Variants in IL1RAPL2 observed in about 807,000 individuals in gnomAD.
The protein encoded by IL1RAPL2 is interleukin 1 receptor accessory protein like 2, also known as X-linked interleukin-1 receptor accessory protein-like 2.
In IL1RAPL2, 3 loss-of-function variants were observed where a neutral mutation model predicts 44.1. The observed-to-expected ratio is 0.07, with a 90% CI of 0.03 to 0.18. The LOEUF (loss-of-function observed/expected upper bound fraction) is 0.18, where lower values mean the gene tolerates loss of function less well. Among genes scored for constraint, IL1RAPL2 ranks in the 10% least tolerant of loss-of-function variants. The probability of loss-of-function intolerance (pLI) is 1.00; values close to 1 mark genes in which losing one functional copy is unlikely to be tolerated. For synonymous variants in IL1RAPL2, 181 were observed against 178.8 expected, an observed-to-expected ratio of 1.01 and a Z score of -0.10; for missense variants, 391 against 496.4, an observed-to-expected ratio of 0.79 and a Z score of 2.02.
At chrX:105,598,598 A>G (rs2037228930) in intron 6 of IL1RAPL2, among the ~76,000 whole-genome samples, 1 of 111,618 alleles carries the variant, frequency 9.0e-6, no homozygotes. Context: ...ACAAAACTAT[A>G]AAACACTTAT....
intron 5 of IL1RAPL2, among the ~76,000 whole-genome samples, chrX:105,483,510 CTTCTCCACTCTCTGCCTTTCCAAATT>C (rs1487486393): frequency 9.0e-6 from 1 of 111,365 alleles, no homozygotes; most frequent in African/African-American, 3.3e-5. Flanking sequence ...CTTTCCAAAT[CTTCTCCACTCTCTGCCTTTCCAAATT>C]TTCTCCATCC....
intron 2 of IL1RAPL2, among the ~76,000 whole-genome samples, chrX:104,956,461 A>AGTGTGTGTGTGTGT (rs59541869): frequency 0.22 from 18,560 of 83,806 alleles, 2,028 homozygotes; most frequent in East Asian, 0.4. Context: ...GTCTCTACTA[A>AGTGTGTGTGTGTGT]GTGTGTGTGT....
intron 6 of IL1RAPL2, among the ~76,000 whole-genome samples, chrX:105,627,929 C>T (rs777384067): frequency 1.8e-5 from 2 of 111,605 alleles, no homozygotes; most frequent in South Asian, 3.8e-4. Context: ...CTGAAACCAT[C>T]GAGTACAGAA....
rs745949698 is a variant in IL1RAPL2 at position 105,665,726 on chromosome X, GT to G, written c.773-51634del. On this transcript the variant is annotated intron_variant, in intron 6 of 10. Coordinates refer to ENST00000372582, the MANE Select transcript of IL1RAPL2 (RefSeq NM_017416.2). ...TGTCCTTTCAATAGTTTTTATTTTT[GT>G]TTTTTTGTTTTTTTGTTTTTTTTTT... is the stretch of plus-strand genomic sequence containing the variant. Among the ~76,000 whole-genome samples, 519 of 75,189 alleles carry G rather than the reference GT, an allele frequency of 6.9e-3. 11 individuals carry two copies. Among genetic ancestry groups the G allele is most frequent in the African/African-American group, 0.024 (456 of 19,165 alleles). 65.3% of individuals were successfully genotyped at this position (75,189 alleles called of 115,157 possible).
chrX:105,003,959 G>A (rs764410680), intron 2 of IL1RAPL2, among the ~76,000 whole-genome samples: 2 of 111,338 alleles, frequency 1.8e-5, no homozygotes, highest in South Asian at 7.5e-4. Flanking sequence ...CTATGTAATT[G>A]GCTTTTCTCC....
intron 2 of IL1RAPL2, among the ~76,000 whole-genome samples, chrX:104,668,416 G>A (rs896382564): frequency 7.6e-5 from 8 of 105,224 alleles, no homozygotes; most frequent in African/African-American, 2.4e-4. Context: ...ATGCTGGTGT[G>A]CTGCACCCAT....
intron 6 of IL1RAPL2, among the ~76,000 whole-genome samples, chrX:105,577,231 C>T (rs748466782): frequency 6.3e-5 from 7 of 111,131 alleles, no homozygotes; most frequent in Non-Finnish European, 9.5e-5. Flanking sequence ...ATGATACTAC[C>T]GGAAAATTAC....
chrX:105,596,719 G>A (rs1442299181), intron 6 of IL1RAPL2, among the ~76,000 whole-genome samples: 1 of 111,774 alleles, frequency 8.9e-6, no homozygotes, highest in Non-Finnish European at 1.9e-5. Context: ...GAATGTTCAA[G>A]TCCAGAGAAT....
chrX:105,323,178 G>A (rs1297043371), intron 5 of IL1RAPL2, among the ~76,000 whole-genome samples: 1 of 112,372 alleles, frequency 8.9e-6, no homozygotes, highest in Non-Finnish European at 1.9e-5. Flanking sequence ...CTCATGTGGT[G>A]TTTATTGAGA....
At chrX:105,526,401 G>T (rs1295519206) in intron 6 of IL1RAPL2, among the ~76,000 whole-genome samples, 1 of 111,611 alleles carries the variant, frequency 9.0e-6, no homozygotes, top group Non-Finnish European at 1.9e-5. Flanking sequence ...TTGTCAAATT[G>T]TTTTACCATA....
rs1356791155 is a variant in IL1RAPL2, at chrX:105,157,766, A to G, written c.83-37709A>G. Among the ~76,000 whole-genome samples the G allele has an allele frequency of 6.2e-5, 7 of 112,710 alleles. No individual in the cohort carries two copies. The Admixed American group carries it at 6.6e-4, about 11-fold the overall frequency. ...AAGTATTATTTCTTATTGAATGACA[A>G]AAGAGATGGTGCTCTAATGGTTAGG... On this transcript the variant is annotated intron_variant, in intron 2 of 10. Coordinates refer to ENST00000372582, the MANE Select transcript of IL1RAPL2 (RefSeq NM_017416.2).
intron 5 of IL1RAPL2, among the ~76,000 whole-genome samples, chrX:105,315,482 C>A (rs1453614994): frequency 2.0e-5 from 2 of 98,559 alleles, no homozygotes; most frequent in Non-Finnish European, 4.1e-5. Context: ...GCAACTATAA[C>A]CCGTATCTAA....
At chrX:104,874,062 A>G (rs1205844987) in intron 2 of IL1RAPL2, among the ~76,000 whole-genome samples, 1 of 110,706 alleles carries the variant, frequency 9.0e-6, no homozygotes, top group African/African-American at 3.3e-5. Flanking sequence ...TGATGCTGCC[A>G]GGATACAGGA....
rs757371003 is a variant in IL1RAPL2, at chrX:104,794,806, C to T, written c.82+135811C>T. 2.7e-5 allele frequency among the ~76,000 whole-genome samples: 3 copies of T among 112,070 alleles called. No homozygotes were observed. In the East Asian group the frequency reaches 8.5e-4, roughly 32 times the overall value. ...ATTTTCCCAGTAGTAACAGTTAATGCATGCTTTCCCTTATAGCTTAAAACA... is the reference window on the plus strand; with the variant it reads ...ATTTTCCCAGTAGTAACAGTTAATGTATGCTTTCCCTTATAGCTTAAAACA... On this transcript the variant is annotated intron_variant, in intron 2 of 10. Coordinates refer to ENST00000372582, the MANE Select transcript of IL1RAPL2 (RefSeq NM_017416.2).
intron 2 of IL1RAPL2, among the ~76,000 whole-genome samples, chrX:105,166,670 C>A (rs1385985645): frequency 8.9e-6 from 1 of 112,480 alleles, no homozygotes; most frequent in Non-Finnish European, 1.9e-5. Context: ...TCTTCTTAAT[C>A]ATGGAGCTAG....
At chrX:105,021,610 C>T (rs1255699925) in intron 2 of IL1RAPL2, among the ~76,000 whole-genome samples, 1 of 110,901 alleles carries the variant, frequency 9.0e-6, no homozygotes, top group Non-Finnish European at 1.9e-5. Context: ...CTCAGGATAT[C>T]GATTGTTTCA....
chrX:105,400,044 C>T lies in IL1RAPL2; in HGVS notation c.698-84269C>T, dbSNP rs150321656. ...TCCTGTGCAGTAGAATCCCAGGCAG[C>T]AGAAGGGAGAGATGAAGCTGGAGAA... On this transcript the variant is annotated intron_variant, in intron 5 of 10. Coordinates refer to ENST00000372582, the MANE Select transcript of IL1RAPL2 (RefSeq NM_017416.2). 9.2e-3 allele frequency among the ~76,000 whole-genome samples: 1,029 copies of T among 111,475 alleles called. 16 individuals are homozygous for T. The highest frequency in any genetic ancestry group is 0.031 in the African/African-American group (950 of 30,774).
At chrX:104,751,024 C>T (rs1397542757) in intron 2 of IL1RAPL2, among the ~76,000 whole-genome samples, 2 of 111,159 alleles carry the variant, frequency 1.8e-5, no homozygotes, top group East Asian at 2.8e-4. Flanking sequence ...TCCAACTCTA[C>T]AATCAGTTAA....
chrX:104,734,271 C>T (rs1466688793), intron 2 of IL1RAPL2, among the ~76,000 whole-genome samples: 2 of 112,187 alleles, frequency 1.8e-5, no homozygotes, highest in African/African-American at 6.5e-5. Flanking sequence ...ATACTACTTC[C>T]GTACAACTGA....
Sources: gnomAD v4.1 joint callset for allele counts (sites outside exome capture counted in the v4.1 genomes callset) on GRCh38, gnomAD v4.1.1 for gene constraint, MANE v1.5 for transcripts, NCBI Gene and HGNC (gene_info 2026-07-23, HGNC 2026-07-21) for gene names.